GTF2B: variants seen among roughly 807,000 people sequenced by gnomAD.
The protein encoded by GTF2B is transcription initiation factor IIB.
In GTF2B, 20 loss-of-function variants were observed where a neutral mutation model predicts 34.6. That is an observed-to-expected ratio of 0.58 (90% CI 0.41 to 0.84). GTF2B has a LOEUF of 0.84. GTF2B is among the 40% of genes least tolerant of loss of function. GTF2B has a pLI of 0.00. For synonymous variants in GTF2B, 142 were observed against 132.4 expected, an observed-to-expected ratio of 1.07 and a Z score of -0.50; for missense variants, 237 against 393.3, an observed-to-expected ratio of 0.60 and a Z score of 3.36.
chr1:88,868,301 AAC>A (rs1219296183), intron 2 of GTF2B, among the ~76,000 whole-genome samples: 2 of 152,208 alleles, frequency 1.3e-5, no homozygotes, highest in African/African-American at 2.4e-5. Context: ...GTGTTCTAGA[AAC>A]AGAGACACAT....
chr1:88,867,565 T>C (rs984758167), intron 2 of GTF2B, among the ~76,000 whole-genome samples: 4 of 152,132 alleles, frequency 2.6e-5, no homozygotes, highest in Non-Finnish European at 5.9e-5. Flanking sequence ...AATCAACAAA[T>C]GTCATCAATA....
Position 88,873,580 on chromosome 1 carries a change from T to C in GTF2B, c.125-9466A>G, listed in dbSNP as rs937472471. 3.3e-5 allele frequency among the ~76,000 whole-genome samples: 5 copies of C among 152,264 alleles called. No homozygotes were observed. The South Asian group carries it at 1.0e-3, about 32-fold the overall frequency. On this transcript the variant is annotated intron_variant, in intron 2 of 6. Coordinates refer to ENST00000370500, the MANE Select transcript of GTF2B (RefSeq NM_001514.6). ...AAAAATAGTAGTGACTTAAACAAGATAGAAGTTTCTCATGTTAACAGTCCA... is the reference window on the plus strand; with the variant it reads ...AAAAATAGTAGTGACTTAAACAAGACAGAAGTTTCTCATGTTAACAGTCCA...
At position 88,860,027 on chromosome 1, in the gene GTF2B, A is replaced by G. The variant is rs199983127; in HGVS notation, c.406-16T>C. On this transcript the variant is annotated splice_polypyrimidine_tract_variant and intron_variant, in intron 4 of 6. Coordinates refer to ENST00000370500, the MANE Select transcript of GTF2B (RefSeq NM_001514.6). ...TTGTTCGATCCTTCAAAGCAGAGAAACTAAGTTTAACTCTACGTCATTTAA... is the reference window on the plus strand; with the variant it reads ...TTGTTCGATCCTTCAAAGCAGAGAAGCTAAGTTTAACTCTACGTCATTTAA... The G allele has an allele frequency of 1.7e-4, 281 of 1,613,024 alleles. No individual in the cohort carries two copies. Among genetic ancestry groups the G allele is most frequent in the Non-Finnish European group, 2.2e-4 (264 of 1,179,282 alleles).
chr1:88,866,792 T>C (rs1234630025), intron 2 of GTF2B, among the ~76,000 whole-genome samples: 1 of 152,126 alleles, frequency 6.6e-6, no homozygotes, highest in Non-Finnish European at 1.5e-5. Context: ...TACAAAGGGA[T>C]TGAGATTAGA....
At chr1:88,870,208 G>A (rs1673658759) in intron 2 of GTF2B, among the ~76,000 whole-genome samples, 1 of 152,160 alleles carries the variant, frequency 6.6e-6, no homozygotes, top group South Asian at 2.1e-4. Context: ...TTACAGGCGT[G>A]AGCCACCGCG....
At chr1:88,853,433 T>G in intron 6 of GTF2B, 87 bp from the exon 7 acceptor site, 2 of 1,193,468 alleles carry the variant, frequency 1.7e-6, no homozygotes, top group Middle Eastern at 4.8e-4. Flanking sequence ...GATATGATAG[T>G]ATAAAGTGCC....
At chr1:88,891,418 C>A (rs1314098453) in intron 1 of GTF2B, 65 bp downstream of exon 1, 2 of 1,336,434 alleles carry the variant, frequency 1.5e-6, no homozygotes, top group East Asian at 2.4e-5. Flanking sequence ...GCCCGGAGGC[C>A]GCCTAAAAGC....
At chr1:88,854,698 G>C (rs969326021) in intron 6 of GTF2B, among the ~76,000 whole-genome samples, 2 of 152,166 alleles carry the variant, frequency 1.3e-5, no homozygotes, top group Non-Finnish European at 2.9e-5. Context: ...GTTTCACCAT[G>C]CTGCCCAGGC....
At chr1:88,878,876 T>TGCGGAGGTCAAGGAGC in intron 2 of GTF2B, among the ~76,000 whole-genome samples, 1 of 152,326 alleles carries the variant, frequency 6.6e-6, no homozygotes, top group African/African-American at 2.4e-5. Flanking sequence ...CAGATCCATG[T>TGCGGAGGTCAAGGAGC]GCGGAGGTCA....
chr1:88,857,053 G>A (rs528090926), intron 6 of GTF2B, among the ~76,000 whole-genome samples, 153 bp downstream of exon 6: 9 of 152,142 alleles, frequency 5.9e-5, no homozygotes, highest in East Asian at 3.9e-4. Flanking sequence ...CTCCCGCCTC[G>A]GCCTTCCAAA....
Position 88,859,879 on chromosome 1 carries a change from T to C in GTF2B, c.535+3A>G. On this transcript the variant is annotated splice_donor_region_variant and intron_variant, in intron 5 of 6. Transcript: ENST00000370500. ...ACACAAAAAAACAAAGCTAAAAACTTACCTTTAAATGTCCTAGGAACCCCT... is the reference window on the plus strand; with the variant it reads ...ACACAAAAAAACAAAGCTAAAAACTCACCTTTAAATGTCCTAGGAACCCCT... 1 of 1,609,780 alleles carries C rather than the reference T, an allele frequency of 6.2e-7. No individual in the cohort carries two copies. Among genetic ancestry groups the C allele is most frequent in the Non-Finnish European group, 8.5e-7 (1 of 1,177,986 alleles).
At chr1:88,887,223 G>C in intron 2 of GTF2B, 38 bp downstream of exon 2, 1 of 1,344,876 alleles carries the variant, frequency 7.4e-7, no homozygotes, top group Non-Finnish European at 1.1e-6. Context: ...TTGGCCTCCT[G>C]AACAGTAATT....
In GTF2B at chr1:88,865,267, T is replaced by C. The variant is rs555488545; in HGVS notation, c.125-1153A>G. ...CTCATATTTTAAAGATTATAAAGAC[T>C]AAGCTATTATAATACCCATGTACAG... On this transcript the variant is annotated intron_variant, in intron 2 of 6. Coordinates refer to ENST00000370500, the MANE Select transcript of GTF2B (RefSeq NM_001514.6). Among the ~76,000 whole-genome samples the C allele has an allele frequency of 7.9e-5, 12 of 152,376 alleles. No individual in the cohort carries two copies. The East Asian group carries it at 9.6e-4, about 12-fold the overall frequency.
chr1:88,875,537 T>G (rs529754098), intron 2 of GTF2B, among the ~76,000 whole-genome samples: 50 of 152,306 alleles, frequency 3.3e-4, no homozygotes, highest in African/African-American at 1.2e-3. Context: ...CACAATAAAT[T>G]TGGCCACTCA....
Position 88,857,086 on chromosome 1 carries a change from C to A in GTF2B, c.817+120G>T, listed in dbSNP as rs1006966567. On this transcript the variant is annotated intron_variant, in intron 6 of 6. Transcript: ENST00000370500. The stretch of plus-strand genomic sequence containing the variant: ...AAAGTGCTGAGATTATAGGTGTGAG[C>A]CCCCGCGCCTGGTCAAATGTGGGTT... 8.3e-5 allele frequency: 72 copies of A among 864,760 alleles called. 1 individual carries two copies. In the South Asian group the frequency reaches 9.9e-4, roughly 12 times the overall value. The allele number at this position is 864,760 out of a possible 1,614,324, so 53.6% of individuals were successfully genotyped here.
At chr1:88,889,415 G>A (rs140600232) in intron 1 of GTF2B, among the ~76,000 whole-genome samples, 4 of 152,322 alleles carry the variant, frequency 2.6e-5, no homozygotes, top group African/African-American at 4.8e-5. Context: ...ACATTAAAAC[G>A]ATTCGAGACT....
intron 2 of GTF2B, among the ~76,000 whole-genome samples, chr1:88,881,230 C>T (rs1343131154): frequency 1.3e-5 from 2 of 150,418 alleles, no homozygotes; most frequent in Non-Finnish European, 3.0e-5. Context: ...CTACAGTACT[C>T]AGTACAATAC....
chr1:88,890,613 C>T (rs1451846748), intron 1 of GTF2B, among the ~76,000 whole-genome samples: 1 of 152,180 alleles, frequency 6.6e-6, no homozygotes, highest in Non-Finnish European at 1.5e-5. Context: ...CACTCTAACA[C>T]GACTCTTGGA....
intron 6 of GTF2B, among the ~76,000 whole-genome samples, chr1:88,856,363 A>G (rs1220315403): frequency 6.6e-6 from 1 of 151,828 alleles, no homozygotes; most frequent in Non-Finnish European, 1.5e-5. Flanking sequence ...AAATTTAAAC[A>G]TAGCTTTAGA....
Sources: gnomAD v4.1 joint callset for allele counts (sites outside exome capture counted in the v4.1 genomes callset) on GRCh38, gnomAD v4.1.1 for gene constraint, MANE v1.5 for transcripts, NCBI Gene and HGNC (gene_info 2026-07-23, HGNC 2026-07-21) for gene names.